ZNF536: variants seen among roughly 807,000 people sequenced by gnomAD.
ZNF536 encodes the protein zinc finger protein 536.
Under a neutral mutation model 84.5 loss-of-function variants are expected in ZNF536, and 13 were observed. The ratio of observed to expected loss-of-function variants is 0.15; its 90% confidence interval spans 0.10 to 0.24. The LOEUF (loss-of-function observed/expected upper bound fraction) is 0.24, where lower values mean the gene tolerates loss of function less well. Among genes scored for constraint, ZNF536 ranks in the 10% least tolerant of loss-of-function variants. The pLI is 1.00. For synonymous variants in ZNF536, 811 were observed against 742.5 expected (o/e 1.09, Z -1.50); for missense variants, 1,536 against 1,747.5 (o/e 0.88, Z 2.16).
At position 30,548,943 on chromosome 19, in the gene ZNF536, A is replaced by G. The variant is rs1051705089; in HGVS notation, c.3324A>G (p.Pro1108=). The G allele has an allele frequency of 6.2e-7, 1 of 1,614,046 alleles. No individual in the cohort carries two copies. Among genetic ancestry groups the G allele is most frequent in the Non-Finnish European group, 8.5e-7 (1 of 1,180,008 alleles). The change falls in exon 4 of 5, where the codon CCA becomes CCG. Residue 1108 remains proline (P), a synonymous_variant. Transcript: ENST00000355537. ...GHVDPAFCNF[P]SDFYKQFGVY... Reference sequence around the variant, plus strand: ...TGGACCCTGCATTTTGTAACTTCCCATCAGACTTCTACAAGCAGTTTGGTG... The same window carrying G: ...TGGACCCTGCATTTTGTAACTTCCCGTCAGACTTCTACAAGCAGTTTGGTG...
intron 1 of ZNF536, among the ~76,000 whole-genome samples, chr19:30,403,812 C>T (rs572762711): frequency 2.6e-5 from 4 of 152,224 alleles, no homozygotes; most frequent in South Asian, 4.2e-4. Context: ...CTCTTGACAA[C>T]GGTGTCTGCA....
At chr19:30,423,817 C>T (rs1162921113) in intron 1 of ZNF536, among the ~76,000 whole-genome samples, 1 of 126,902 alleles carries the variant, frequency 7.9e-6, no homozygotes, top group African/African-American at 3.0e-5. Context: ...GGCCTGGGAG[C>T]GGTCGCTGCG....
At chr19:30,699,498 A>C (rs2051803926) in intron 1 of ZNF536, among the ~76,000 whole-genome samples, 1 of 152,226 alleles carries the variant, frequency 6.6e-6, no homozygotes, top group Non-Finnish European at 1.5e-5. Flanking sequence ...TACTAAGGAT[A>C]TTCCAAAGTG....
chr19:30,305,982 C>G (rs752231012), intron 2 of ZNF536, among the ~76,000 whole-genome samples: 2 of 152,226 alleles, frequency 1.3e-5, no homozygotes, highest in Admixed American at 6.5e-5. Context: ...TTTTTTCCCC[C>G]CTCCAAATTT....
intron 3 of ZNF536, among the ~76,000 whole-genome samples, chr19:30,363,627 G>A (rs1338971841): frequency 6.6e-6 from 1 of 152,086 alleles, no homozygotes; most frequent in African/African-American, 2.4e-5. Context: ...TCAATGGAGA[G>A]CCATGAATTC....
chr19:30,227,480 C>T (rs945426486), upstream of ZNF536, among the ~76,000 whole-genome samples: 5 of 152,170 alleles, frequency 3.3e-5, no homozygotes, highest in South Asian at 8.3e-4. Flanking sequence ...TTTTGTTTGC[C>T]AGATATTGTT....
At chr19:30,226,665 C>T (rs577696172), upstream of ZNF536, among the ~76,000 whole-genome samples, 1 of 151,984 alleles carries the variant, frequency 6.6e-6, no homozygotes, top group South Asian at 2.1e-4. This position sits in a 1 kb window ranked among gnomAD's most constrained non-coding sequence, Gnocchi z 4.6. Flanking sequence ...CAGCCGGGGG[C>T]CAAAGAGGAA....
intron 2 of ZNF536, among the ~76,000 whole-genome samples, chr19:30,482,119 A>AAATGTGTGTG (rs1202057410): frequency 6.6e-6 from 1 of 152,136 alleles, no homozygotes; most frequent in African/African-American, 2.4e-5. Context: ...GTGCTGCTAT[A>AAATGTGTGTG]AATGTGTGTG....
chr19:30,687,473 A>G (rs1313006444), intron 1 of ZNF536, among the ~76,000 whole-genome samples: 1 of 152,150 alleles, frequency 6.6e-6, no homozygotes, highest in South Asian at 2.1e-4. Context: ...TTTACTTGGC[A>G]CTATTTACTT....
At position 30,575,157 on chromosome 19, in the gene ZNF536, A is replaced by C. The variant is rs553856533; in HGVS notation, c.169+25643A>C. Among the ~76,000 whole-genome samples the C allele has an allele frequency of 2.2e-4, 33 of 151,590 alleles. 1 individual carries two copies. The East Asian group carries it at 5.6e-3, about 26-fold the overall frequency. Reference sequence around the variant, plus strand: ...TCATTCATTCATTCATTCATTCAGCAAGCAAGCATTGATGGAACATCTCTC... The same window carrying C: ...TCATTCATTCATTCATTCATTCAGCCAGCAAGCATTGATGGAACATCTCTC... On this transcript the variant is annotated intron_variant, in intron 1 of 1. Coordinates refer to the ZNF536 transcript ENST00000592773.
chr19:30,585,210 C>T lies in ZNF536; in HGVS notation c.169+35696C>T, dbSNP rs117348719. 7.4e-3 allele frequency among the ~76,000 whole-genome samples: 1,132 copies of T among 152,270 alleles called. 5 individuals carry two copies. The highest frequency in any genetic ancestry group is 0.02 in the Middle Eastern group (6 of 294). On this transcript the variant is annotated intron_variant, in intron 1 of 1. Transcript: ENST00000592773. ...ATAGGCTAAGTTGATTCATTTTCAGCTTTTCAGCAATCTTGACGTTGGTAG... is the reference window on the plus strand; with the variant it reads ...ATAGGCTAAGTTGATTCATTTTCAGTTTTTCAGCAATCTTGACGTTGGTAG...
At chr19:30,358,067 G>A (rs547142118) in intron 3 of ZNF536, among the ~76,000 whole-genome samples, 2 of 152,140 alleles carry the variant, frequency 1.3e-5, no homozygotes, top group Non-Finnish European at 2.9e-5. Flanking sequence ...TAAGGGTAAA[G>A]AGTCTTGGTG....
chr19:30,340,378 C>T (rs1600289568), intron 2 of ZNF536, among the ~76,000 whole-genome samples: 1 of 152,152 alleles, frequency 6.6e-6, no homozygotes, highest in Non-Finnish European at 1.5e-5. Flanking sequence ...CCGCACTGGG[C>T]CCAGCCCAGC....
At chr19:30,311,616 TTCTCTC>T (rs146108019) in intron 2 of ZNF536, among the ~76,000 whole-genome samples, 4 of 150,182 alleles carry the variant, frequency 2.7e-5, no homozygotes, top group Non-Finnish European at 5.9e-5. Flanking sequence ...TTACATCAAC[TTCTCTC>T]TCTCTCTCTC....
chr19:30,616,439 A>G (rs1426355282), intron 1 of ZNF536, among the ~76,000 whole-genome samples: 4 of 152,266 alleles, frequency 2.6e-5, no homozygotes, highest in African/African-American at 4.8e-5. Flanking sequence ...CTGACATAAT[A>G]TTAAAATAGT....
At chr19:30,384,886 C>T (rs7250940) in intron 1 of ZNF536, among the ~76,000 whole-genome samples, 2,058 of 151,998 alleles carry the variant, frequency 0.014, 48 homozygotes, top group African/African-American at 0.047. Context: ...ATTAGCCAGG[C>T]GTGGTGGCAT....
At chr19:30,369,227 A>G (rs1273748954), upstream of ZNF536, among the ~76,000 whole-genome samples, 1 of 152,224 alleles carries the variant, frequency 6.6e-6, no homozygotes, top group Non-Finnish European at 1.5e-5. Context: ...CAGCTTCAAG[A>G]GCACAAGGTT....
chr19:30,691,300 G>A (rs1049463375), intron 1 of ZNF536, among the ~76,000 whole-genome samples: 2 of 152,140 alleles, frequency 1.3e-5, no homozygotes, highest in African/African-American at 4.8e-5. Flanking sequence ...CATCAGGGCG[G>A]TCGTCTCCAG....
intron 1 of ZNF536, among the ~76,000 whole-genome samples, chr19:30,573,013 G>A (rs183779769): frequency 9.2e-5 from 14 of 152,226 alleles, no homozygotes; most frequent in Non-Finnish European, 1.8e-4. Flanking sequence ...TGCACCAGAC[G>A]CACCAGTGTG....
Sources: allele counts gnomAD v4.1 joint callset (sites outside exome capture counted in the v4.1 genomes callset), GRCh38; gene constraint gnomAD v4.1.1; non-coding constraint Gnocchi (gnomAD v3.1); transcripts MANE v1.5; gene names NCBI Gene and HGNC (gene_info 2026-07-23, HGNC 2026-07-21).